The following PPP2R1B variants were observed in gnomAD, a reference collection of about 807,000 sequenced individuals.
PPP2R1B encodes protein phosphatase 2 scaffold subunit Abeta, also known as serine/threonine-protein phosphatase 2A 65 kDa regulatory subunit A beta isoform.
PPP2R1B carries 58 observed loss-of-function variants against 72.7 expected under a neutral mutation model. The observed-to-expected ratio is 0.80, with a 90% CI of 0.65 to 0.99. The LOEUF is 0.99. Among genes scored for constraint, PPP2R1B ranks in the 50% least tolerant of loss-of-function variants. The pLI, the probability that PPP2R1B is intolerant of heterozygous loss-of-function variation, is 0.00. For missense variants in PPP2R1B, 695 were observed against 733.6 expected (o/e 0.95, Z 0.61); for synonymous variants, 256 against 264.6 (o/e 0.97, Z 0.32).
At chr11:111,762,836 G>A (rs528637003) in intron 3 of PPP2R1B, among the ~76,000 whole-genome samples, 18 of 152,154 alleles carry the variant, frequency 1.2e-4, no homozygotes, top group African/African-American at 4.3e-4. Flanking sequence ...ACCACACCCA[G>A]CCACACTCCG....
chr11:111,737,200 G>A (rs1591670572), downstream of PPP2R1B, among the ~76,000 whole-genome samples: 1 of 152,164 alleles, frequency 6.6e-6, no homozygotes, highest in African/African-American at 2.4e-5. Context: ...TAGGAGATGG[G>A]CCTCAAGCTA....
intron 14 of PPP2R1B, 78 bp from the exon 15 acceptor site, chr11:111,741,690 C>T: frequency 6.8e-7 from 1 of 1,477,190 alleles, no homozygotes; most frequent in Non-Finnish European, 9.4e-7. Context: ...AGCACAATAA[C>T]AATGATCCAA....
rs775729227 is a variant in PPP2R1B, at chr11:111,741,395, T to C, written c.*201A>G. On this transcript the variant is annotated 3_prime_UTR_variant, in exon 15 of 15. Transcript: ENST00000527614. ...TCAATAAGAACGGCTTAAATAATGA[T>C]TTAACAAGGAAGACGAGTAAAAAAC... The C allele has an allele frequency of 2.0e-5, 28 of 1,398,100 alleles. No homozygotes were observed. The highest frequency in any genetic ancestry group is 2.6e-5 in the Non-Finnish European group (28 of 1,080,620). The allele number at this position is 1,398,100 out of a possible 1,614,324, so 86.6% of individuals were successfully genotyped here.
chr11:111,707,856 G>A, the PPP2R1B span, among the ~76,000 whole-genome samples: 12 of 152,292 alleles, frequency 7.9e-5, no homozygotes, highest in Non-Finnish European at 1.6e-4. Flanking sequence ...ACACCAAGCT[G>A]AGTGACTTCG....
At chr11:111,698,727 A>G in the PPP2R1B span, among the ~76,000 whole-genome samples, 1 of 152,214 alleles carries the variant, frequency 6.6e-6, no homozygotes, top group Non-Finnish European at 1.5e-5. Flanking sequence ...GAAAAGAAAG[A>G]AAGAAAAACA....
rs143471050 is a variant in PPP2R1B at position 111,742,611 on chromosome 11, C to T, written c.1609G>A (p.Val537Ile). The T allele has an allele frequency of 2.0e-5, 33 of 1,613,666 alleles. No homozygotes were observed. The highest frequency in any genetic ancestry group is 5.0e-5 in the Admixed American group (3 of 60,008). ...ACTTGGTCTCCTGCCATTTTTAATA[C>T]GATGGGCAGCATTTGCTTAGTAGTT... ...EITTKQMLPIVLKMAGDQVAN... is the reference protein window; with the variant it reads ...EITTKQMLPIILKMAGDQVAN... Residue 537 changes from valine to isoleucine, a missense_variant, in exon 13 of 15, where the codon GTA becomes ATA. By Grantham distance (29) the Val-to-Ile change is conservative. Coordinates refer to ENST00000527614, the MANE Select transcript of PPP2R1B (RefSeq NM_002716.5).
downstream of PPP2R1B, chr11:111,737,510 C>CACT: frequency 8.1e-6 from 13 of 1,614,232 alleles, no homozygotes; most frequent in Non-Finnish European, 1.1e-5. Flanking sequence ...GCCCGAGGGA[C>CACT]ACTGGGTTCT....
At chr11:111,699,105 C>A in the PPP2R1B span, among the ~76,000 whole-genome samples, 1 of 152,126 alleles carries the variant, frequency 6.6e-6, no homozygotes, top group African/African-American at 2.4e-5. Context: ...GAAGATAAGG[C>A]CTTTCTGACA....
chr11:111,710,821 T>G, the PPP2R1B span, among the ~76,000 whole-genome samples: 1 of 152,182 alleles, frequency 6.6e-6, no homozygotes, highest in Non-Finnish European at 1.5e-5. Flanking sequence ...CAGGTCTTGG[T>G]AGAGGAGAAG....
At chr11:111,766,167 C>G in intron 1 of PPP2R1B, 81 bp downstream of exon 1, 1 of 1,413,400 alleles carries the variant, frequency 7.1e-7, no homozygotes, top group South Asian at 1.2e-5. Context: ...CTCGGCCACC[C>G]CCACCGCGAC....
At chr11:111,705,522 A>C in the PPP2R1B span, among the ~76,000 whole-genome samples, 4 of 152,226 alleles carry the variant, frequency 2.6e-5, no homozygotes, top group Non-Finnish European at 4.4e-5. The surrounding 1 kb of genome is among the most constrained non-coding windows in gnomAD (Gnocchi z 4.3). Context: ...ATAAAAATGA[A>C]ATAAGACAAG....
At chr11:111,764,744 C>G in intron 3 of PPP2R1B, 61 bp downstream of exon 3, 1 of 1,531,066 alleles carries the variant, frequency 6.5e-7, no homozygotes, top group Non-Finnish European at 9.0e-7. Flanking sequence ...TATCACCAAA[C>G]AATGTATCAT....
the PPP2R1B span, among the ~76,000 whole-genome samples, chr11:111,716,614 A>G: frequency 6.6e-6 from 1 of 152,192 alleles, no homozygotes; most frequent in Non-Finnish European, 1.5e-5. Context: ...AATCAGATCA[A>G]TGAAAAATCA....
rs782136616 is a variant in PPP2R1B at position 111,759,786 on chromosome 11, T to C, written c.687+18A>G. ...AAGGAGCATATCTGTGTCCCTTAAA[T>C]ACTAAGAGTTAGTTTACCTGTTCAT... On this transcript the variant is annotated intron_variant, in intron 5 of 14. Transcript: ENST00000527614. 9.4e-6 allele frequency: 15 copies of C among 1,601,112 alleles called. No individual in the cohort carries two copies. The highest frequency in any genetic ancestry group is 1.2e-5 in the Non-Finnish European group (14 of 1,171,570).
chr11:111,724,378 G>A (rs1384759395), downstream of PPP2R1B: 2 of 536,500 alleles, frequency 3.7e-6, no homozygotes, highest in Non-Finnish European at 6.6e-6. Flanking sequence ...CTTCGGTCGA[G>A]TGGAGCAAGC....
chr11:111,765,524 G>A, intron 1 of PPP2R1B, 140 bp from the exon 2 acceptor site: 2 of 731,758 alleles, frequency 2.7e-6, no homozygotes, highest in Non-Finnish European at 4.4e-6. Context: ...TACTGTTAAG[G>A]AAGCTCATAA....
chr11:111,755,564 A>G (rs1945077805), intron 5 of PPP2R1B, 114 bp from the exon 6 acceptor site: 3 of 896,184 alleles, frequency 3.3e-6, no homozygotes, highest in Non-Finnish European at 4.7e-6. Context: ...CACACCTTAT[A>G]TAGTTTCACG....
At chr11:111,723,424 T>C (rs1049054474), downstream of PPP2R1B, 14 of 1,453,544 alleles carry the variant, frequency 9.6e-6, no homozygotes, top group African/African-American at 1.8e-4. Flanking sequence ...TAGTGACTGG[T>C]ATTGCATTTA....
At chr11:111,719,636 G>C in the PPP2R1B span, 42 of 836,786 alleles carry the variant, frequency 5.0e-5, no homozygotes, top group Middle Eastern at 8.1e-4. Flanking sequence ...TCTATGTGTT[G>C]TCATGCATAA....
Sources: gnomAD v4.1 joint callset for allele counts (sites outside exome capture counted in the v4.1 genomes callset) on GRCh38, gnomAD v4.1.1 for gene constraint, Gnocchi (gnomAD v3.1) non-coding constraint, MANE v1.5 for transcripts, NCBI Gene and HGNC (gene_info 2026-07-23, HGNC 2026-07-21) for gene names.